CDC42BPA: variants seen among roughly 807,000 people sequenced by gnomAD.
The protein encoded by CDC42BPA is CDC42 binding protein kinase alpha, also known as serine/threonine-protein kinase MRCK alpha.
In CDC42BPA, 80 loss-of-function variants were observed where a neutral mutation model predicts 223.5. The observed-to-expected ratio is 0.36, with a 90% confidence interval of 0.30 to 0.43. The LOEUF (loss-of-function observed/expected upper bound fraction) is 0.43. Ranked by LOEUF, CDC42BPA falls within the 20% of genes least tolerant of loss-of-function variation. CDC42BPA has a pLI of 1.00. For synonymous variants in CDC42BPA, 694 were observed against 718.6 expected, an observed-to-expected ratio of 0.97 and a Z score of 0.55; for missense variants, 1,743 against 2,099.9, an observed-to-expected ratio of 0.83 and a Z score of 3.32.
intron 31 of CDC42BPA, 43 bp downstream of exon 31, chr1:227,026,012 C>T (rs1360332252): frequency 2.8e-6 from 3 of 1,059,132 alleles, no homozygotes; most frequent in Non-Finnish European, 4.3e-6. Flanking sequence ...AGTGTTTTCA[C>T]TTATACTCAG....
rs987994390 is a variant in CDC42BPA at position 227,005,889 on chromosome 1, G to T, written c.4858-778C>A. Among the ~76,000 whole-genome samples, 6 of 152,330 alleles carry T rather than the reference G, an allele frequency of 3.9e-5. No homozygotes were observed. In the South Asian group the frequency reaches 1.2e-3, roughly 32 times the overall value. On this transcript the variant is annotated intron_variant, in intron 34 of 36. Transcript: ENST00000366766. ...TTTTGCAAATCACACACGCCTAAAG[G>T]ATAGCCACATAGGTGGTGTGCAGGG...
intron 14 of CDC42BPA, among the ~76,000 whole-genome samples, chr1:227,102,774 A>G (rs144426206): frequency 6.6e-6 from 1 of 152,042 alleles, no homozygotes; most frequent in East Asian, 1.9e-4. Context: ...AGATAATTTA[A>G]TGTCAGCAAA....
intron 1 of CDC42BPA, among the ~76,000 whole-genome samples, chr1:227,282,692 G>A (rs1456298026): frequency 2.0e-5 from 3 of 152,198 alleles, no homozygotes; most frequent in Admixed American, 6.5e-5. Flanking sequence ...TTTGCTAGTG[G>A]TTCTTACATT....
intron 19 of CDC42BPA, among the ~76,000 whole-genome samples, chr1:227,072,822 G>A (rs555868258): frequency 1.3e-5 from 2 of 152,076 alleles, no homozygotes; most frequent in South Asian, 4.1e-4. Flanking sequence ...CTAGGCATAA[G>A]GAGAAAAGAT....
chr1:226,993,961 G>A lies in CDC42BPA; in HGVS notation c.*307C>T, dbSNP rs182064499. On this transcript the variant is annotated 3_prime_UTR_variant, in exon 37 of 37. Coordinates refer to ENST00000366766, the MANE Select transcript of CDC42BPA (RefSeq NM_001394014.1). ...AATCTTATTCTTATCACTTACATTT[G>A]TGTAATCTGTCTATTTAAGCTACCT... is the stretch of plus-strand genomic sequence containing the variant. The A allele has an allele frequency of 4.9e-4, 124 of 254,218 alleles. 1 individual carries two copies. The highest frequency in any genetic ancestry group is 1.3e-3 in the Admixed American group (27 of 20,164). The allele number at this position is 254,218 out of a possible 1,614,324, so 15.7% of individuals were successfully genotyped here. A position where few individuals can be genotyped will look rare whatever the true frequency, so the allele number is the denominator to read the frequency against.
chr1:227,308,311 A>C (rs1488213171), intron 1 of CDC42BPA, among the ~76,000 whole-genome samples: 2 of 151,974 alleles, frequency 1.3e-5, no homozygotes, highest in Non-Finnish European at 2.9e-5. Context: ...TTCAAGATGA[A>C]CCTGGGCAAC....
At chr1:227,179,730 G>A (rs1667621377) in intron 5 of CDC42BPA, among the ~76,000 whole-genome samples, 1 of 145,718 alleles carries the variant, frequency 6.9e-6, no homozygotes, top group Non-Finnish European at 1.5e-5. Flanking sequence ...GAATACCACT[G>A]GCAAGTTATA....
At chr1:227,312,559 C>CT (rs1324106093) in intron 1 of CDC42BPA, among the ~76,000 whole-genome samples, 1 of 151,974 alleles carries the variant, frequency 6.6e-6, no homozygotes, top group Non-Finnish European at 1.5e-5. Context: ...CAATACATTC[C>CT]TTTTTTAAAA....
chr1:227,216,551 T>C (rs1674889928), intron 2 of CDC42BPA, among the ~76,000 whole-genome samples: 1 of 152,234 alleles, frequency 6.6e-6, no homozygotes, highest in Non-Finnish European at 1.5e-5. Context: ...GAAAAGAATA[T>C]GAGGCTTACA....
chr1:227,265,347 T>A, intron 1 of CDC42BPA: 1 of 341,166 alleles, frequency 2.9e-6, no homozygotes, highest in Non-Finnish European at 5.5e-6. Context: ...CCTCACAGGG[T>A]CATGAGGATT....
intron 4 of CDC42BPA, among the ~76,000 whole-genome samples, chr1:227,199,154 T>C (rs1382606002): frequency 2.6e-5 from 4 of 152,304 alleles, no homozygotes; most frequent in African/African-American, 9.6e-5. Context: ...ATGAGAAAGA[T>C]TAATTTCAGT....
intron 10 of CDC42BPA, among the ~76,000 whole-genome samples, chr1:227,135,721 G>A (rs938965534): frequency 5.9e-5 from 9 of 151,834 alleles, no homozygotes; most frequent in Admixed American, 5.9e-4. Flanking sequence ...AGGCATGGTG[G>A]CACGTGCCTG....
At chr1:227,290,000 A>T (rs551686247) in intron 1 of CDC42BPA, among the ~76,000 whole-genome samples, 15 of 152,202 alleles carry the variant, frequency 9.9e-5, no homozygotes, top group African/African-American at 3.6e-4. Flanking sequence ...CTGCAACACT[A>T]CACTCTAGCT....
At chr1:227,153,012 G>T (rs1662072385) in intron 6 of CDC42BPA, among the ~76,000 whole-genome samples, 1 of 151,874 alleles carries the variant, frequency 6.6e-6, no homozygotes, top group East Asian at 1.9e-4. Context: ...TACCCTGGAA[G>T]AAATGTCAAT....
At chr1:227,035,689 G>T in intron 24 of CDC42BPA, 82 bp from the exon 25 acceptor site, 2 of 958,256 alleles carry the variant, frequency 2.1e-6, no homozygotes, top group Non-Finnish European at 3.0e-6. Flanking sequence ...CATACAAGAT[G>T]CTATGTTAGA....
rs151012761 is a variant in CDC42BPA at position 227,144,562 on chromosome 1, G to A, written c.1143+927C>T. Reference sequence around the variant, plus strand: ...AGCACTCCAGCCTGGGAGACAGAGCGAGACTCTGTCTCAAAAAAAAAAAAA... The same window carrying A: ...AGCACTCCAGCCTGGGAGACAGAGCAAGACTCTGTCTCAAAAAAAAAAAAA... On this transcript the variant is annotated intron_variant, in intron 8 of 36. Coordinates refer to ENST00000366766, the MANE Select transcript of CDC42BPA (RefSeq NM_001394014.1). Among the ~76,000 whole-genome samples the A allele has an allele frequency of 8.4e-3, 707 of 84,106 alleles. 3 individuals carry two copies. Among genetic ancestry groups the A allele is most frequent in the Middle Eastern group, 0.065 (4 of 62 alleles). 55.2% of individuals were successfully genotyped at this position (84,106 alleles called of 152,430 possible). A position where few individuals can be genotyped will look rare whatever the true frequency, so the allele number is the denominator to read the frequency against.
intron 4 of CDC42BPA, among the ~76,000 whole-genome samples, chr1:227,199,016 G>C (rs1051307764): frequency 4.2e-4 from 64 of 152,228 alleles, no homozygotes; most frequent in African/African-American, 1.5e-3. Flanking sequence ...CCAAAGTGCT[G>C]GGATTACAGG....
intron 1 of CDC42BPA, among the ~76,000 whole-genome samples, chr1:227,261,574 T>C (rs1406105375): frequency 6.6e-6 from 1 of 151,422 alleles, no homozygotes; most frequent in East Asian, 1.9e-4. Flanking sequence ...ATCAAACTAA[T>C]GAAGGAGAAG....
At chr1:227,102,668 A>C (rs974590698) in intron 14 of CDC42BPA, among the ~76,000 whole-genome samples, 2 of 152,198 alleles carry the variant, frequency 1.3e-5, no homozygotes, top group Non-Finnish European at 2.9e-5. Flanking sequence ...ATTGATAAGA[A>C]TGTGAAAAGC....
Sources: gnomAD v4.1 joint callset for allele counts (sites outside exome capture counted in the v4.1 genomes callset) on GRCh38, gnomAD v4.1.1 for gene constraint, MANE v1.5 for transcripts, NCBI Gene and HGNC (gene_info 2026-07-23, HGNC 2026-07-21) for gene names.